Variants in SLC25A21 observed in about 807,000 individuals in gnomAD.
SLC25A21 encodes mitochondrial 2-oxodicarboxylate carrier.
SLC25A21 carries 47 observed loss-of-function variants against 43.8 expected under a neutral mutation model. The ratio of observed to expected loss-of-function variants is 1.07; its 90% CI spans 0.85 to 1.37. The LOEUF is 1.37. Among genes scored for constraint, SLC25A21 ranks in the 40% most tolerant of loss-of-function variants. The pLI is 0.00. For missense variants in SLC25A21, 352 were observed against 350.2 expected (o/e 1.00, Z -0.04); for synonymous variants, 131 against 121.3 (o/e 1.08, Z -0.52).
chr14:37,172,102 A>T (rs146863132), intron 1 of SLC25A21, 179 bp downstream of exon 1: 3 of 636,754 alleles, frequency 4.7e-6, no homozygotes, highest in Admixed American at 3.3e-5. Context: ...CACTACTCGC[A>T]ATCAACTCCC....
intron 2 of SLC25A21, among the ~76,000 whole-genome samples, chr14:36,846,750 T>C (rs1278928158): frequency 1.3e-5 from 2 of 152,174 alleles, no homozygotes; most frequent in African/African-American, 4.8e-5. Flanking sequence ...GTTGAATATA[T>C]AGCAAATGTC....
At chr14:36,840,833 A>C (rs1282389263) in intron 2 of SLC25A21, among the ~76,000 whole-genome samples, 2 of 152,216 alleles carry the variant, frequency 1.3e-5, no homozygotes, top group Admixed American at 6.5e-5. Flanking sequence ...AGAAATAAGA[A>C]TGCATGGGAC....
chr14:36,955,445 T>C (rs1037782366), intron 1 of SLC25A21, among the ~76,000 whole-genome samples: 5 of 152,214 alleles, frequency 3.3e-5, no homozygotes, highest in Non-Finnish European at 7.3e-5. Flanking sequence ...ACTCTTTTTA[T>C]TCATACTGGA....
chr14:36,887,943 G>A lies in SLC25A21; in HGVS notation c.71-12939C>T, dbSNP rs190703403. 4.6e-5 allele frequency among the ~76,000 whole-genome samples: 7 copies of A among 152,212 alleles called. No homozygotes were observed. The East Asian group carries it at 7.7e-4, about 17-fold the overall frequency. ...CCACCCTGCCCACCCCTCCAGAGAC[G>A]TGCTGAAGCTGACTCTCACAGGCCA... On this transcript the variant is annotated intron_variant, in intron 1 of 9. Transcript: ENST00000331299.
intron 1 of SLC25A21, among the ~76,000 whole-genome samples, chr14:36,948,724 T>C (rs1488162573): frequency 6.6e-6 from 1 of 152,140 alleles, no homozygotes; most frequent in Non-Finnish European, 1.5e-5. Flanking sequence ...TGAACTGAAA[T>C]GTGTTGTAGA....
chr14:36,979,323 GTTTTTTTGGT>G (rs1444764480), intron 1 of SLC25A21, among the ~76,000 whole-genome samples: 1 of 123,756 alleles, frequency 8.1e-6, no homozygotes, highest in African/African-American at 6.2e-5. Context: ...TTAAGGTAGT[GTTTTTTTGGT>G]TTTTTTTTTT....
intron 1 of SLC25A21, among the ~76,000 whole-genome samples, chr14:37,019,853 T>A (rs1320590949): frequency 2.0e-5 from 3 of 151,642 alleles, no homozygotes; most frequent in African/African-American, 2.4e-5. Flanking sequence ...ACAGCAAGTT[T>A]TTTTAAAAAA....
chr14:36,982,297 A>G (rs578006256), intron 1 of SLC25A21, among the ~76,000 whole-genome samples: 1 of 152,372 alleles, frequency 6.6e-6, no homozygotes, highest in South Asian at 2.1e-4. Context: ...CAAATTATTC[A>G]TTGTGTATTA....
At chr14:36,952,867 T>C (rs1892847534) in intron 1 of SLC25A21, among the ~76,000 whole-genome samples, 1 of 152,208 alleles carries the variant, frequency 6.6e-6, no homozygotes, top group Non-Finnish European at 1.5e-5. Flanking sequence ...GTTTCAGGAA[T>C]GAAGAACGGG....
intron 1 of SLC25A21, among the ~76,000 whole-genome samples, chr14:36,971,011 A>G (rs1957495077): frequency 6.6e-6 from 1 of 152,200 alleles, no homozygotes; most frequent in Non-Finnish European, 1.5e-5. Context: ...TAGGGACTCA[A>G]AGATTTCTTA....
intron 1 of SLC25A21, among the ~76,000 whole-genome samples, chr14:37,095,658 G>C (rs1239656103): frequency 6.6e-6 from 1 of 152,112 alleles, no homozygotes; most frequent in African/African-American, 2.4e-5. Context: ...GGCTGAAGTA[G>C]GAGGATTGCT....
At chr14:36,837,438 G>A (rs754062470) in intron 2 of SLC25A21, among the ~76,000 whole-genome samples, 3 of 152,030 alleles carry the variant, frequency 2.0e-5, no homozygotes, top group Non-Finnish European at 2.9e-5. Context: ...AAGGGGCTGC[G>A]TTTAGGGTCG....
intron 7 of SLC25A21, among the ~76,000 whole-genome samples, chr14:36,686,862 G>C (rs1024262491): frequency 6.6e-5 from 10 of 152,174 alleles, no homozygotes; most frequent in Non-Finnish European, 1.3e-4. Flanking sequence ...GATGGTCATT[G>C]TGCTTGAGAC....
In SLC25A21 at chr14:36,909,331, G is replaced by A. The variant is rs573113877; in HGVS notation, c.71-34327C>T. Among the ~76,000 whole-genome samples the A allele has an allele frequency of 7.6e-5, 11 of 143,832 alleles. No individual in the cohort carries two copies. In the South Asian group the frequency reaches 1.3e-3, roughly 17 times the overall value. The allele number at this position is 143,832 out of a possible 152,430, so 94.4% of individuals were successfully genotyped here. ...CCCTCCAGGGTAAGTCTGAAAGTGA[G>A]AAGATAAGATGCAAAGGACAAAACC... is the stretch of plus-strand genomic sequence containing the variant. On this transcript the variant is annotated intron_variant, in intron 1 of 9. Coordinates refer to ENST00000331299, the MANE Select transcript of SLC25A21 (RefSeq NM_030631.4).
At chr14:36,777,050 G>C (rs1166608351) in intron 3 of SLC25A21, among the ~76,000 whole-genome samples, 1 of 152,166 alleles carries the variant, frequency 6.6e-6, no homozygotes, top group East Asian at 1.9e-4. Context: ...ACGAGGTCAG[G>C]AGATTGAGAC....
chr14:36,771,063 C>A (rs975971848), intron 3 of SLC25A21, among the ~76,000 whole-genome samples: 1 of 152,120 alleles, frequency 6.6e-6, no homozygotes, highest in Non-Finnish European at 1.5e-5. Context: ...TGTCAACATT[C>A]CACTGTGATA....
intron 1 of SLC25A21, among the ~76,000 whole-genome samples, chr14:37,163,475 A>G (rs1244955524): frequency 1.3e-5 from 2 of 152,162 alleles, no homozygotes; most frequent in African/African-American, 2.4e-5. Flanking sequence ...AAGTGTCAAA[A>G]TAATTGACAC....
Position 36,912,917 on chromosome 14 carries a change from T to G in SLC25A21, c.71-37913A>C, listed in dbSNP as rs60058342. 6.9e-3 allele frequency among the ~76,000 whole-genome samples: 1,043 copies of G among 152,262 alleles called. 20 individuals carry two copies. Among genetic ancestry groups the G allele is most frequent in the African/African-American group, 0.023 (969 of 41,558 alleles). ...GTGAGTACCTTGAGAATAAGAAATATTTTATCTATGCTGTCATACCACCTT... is the reference window on the plus strand; with the variant it reads ...GTGAGTACCTTGAGAATAAGAAATAGTTTATCTATGCTGTCATACCACCTT... On this transcript the variant is annotated intron_variant, in intron 1 of 9. Transcript: ENST00000331299.
chr14:36,748,725 G>T (rs961963091), intron 3 of SLC25A21, among the ~76,000 whole-genome samples: 1 of 152,140 alleles, frequency 6.6e-6, no homozygotes, highest in African/African-American at 2.4e-5. Context: ...CGGGTCCTAT[G>T]ACTTTAGTTA....
Sources: gnomAD v4.1 joint callset for allele counts (sites outside exome capture counted in the v4.1 genomes callset) on GRCh38, gnomAD v4.1.1 for gene constraint, MANE v1.5 for transcripts, NCBI Gene and HGNC (gene_info 2026-07-23, HGNC 2026-07-21) for gene names.